MXRA7: variants seen among roughly 807,000 people sequenced by gnomAD.
MXRA7 encodes the protein matrix-remodeling-associated protein 7.
A neutral mutation model predicts 17.4 loss-of-function variants in MXRA7; 18 were observed. The observed-to-expected ratio is 1.03, with a 90% CI of 0.71 to 1.53. MXRA7 has a LOEUF of 1.53. Ranked by LOEUF, MXRA7 falls within the 40% of genes most tolerant of loss-of-function variation. MXRA7 has a pLI of 0.00. For synonymous variants in MXRA7, 70 were observed against 101.7 expected (o/e 0.69, Z 1.87); for missense variants, 141 against 209.3 (o/e 0.67, Z 2.01).
At chr17:76,693,208 G>T (rs1299803109) in intron 1 of MXRA7, among the ~76,000 whole-genome samples, 1 of 152,190 alleles carries the variant, frequency 6.6e-6, no homozygotes, top group East Asian at 1.9e-4. Context: ...GGTGGCTCAT[G>T]CCTGTAATCC....
At chr17:76,704,393 G>A (rs1212609908) in intron 1 of MXRA7, among the ~76,000 whole-genome samples, 1 of 150,354 alleles carries the variant, frequency 6.7e-6, no homozygotes, top group Non-Finnish European at 1.5e-5. Context: ...TTTTAGTAGA[G>A]ATGGGGTTTC....
At chr17:76,678,863 TCTAGAGCAG>T (rs563188373), downstream of MXRA7, among the ~76,000 whole-genome samples, 162 of 152,256 alleles carry the variant, frequency 1.1e-3, no homozygotes, top group Non-Finnish European at 2.1e-3. Context: ...AAATTTTCTG[TCTAGAGCAG>T]CATCTAGTAG....
At chr17:76,701,000 C>T (rs947248674) in intron 1 of MXRA7, among the ~76,000 whole-genome samples, 3 of 151,858 alleles carry the variant, frequency 2.0e-5, no homozygotes, top group Admixed American at 6.6e-5. Context: ...CTGTGGGGGG[C>T]TGGGAGCAGA....
intron 1 of MXRA7, among the ~76,000 whole-genome samples, chr17:76,704,306 C>A (rs1484091261): frequency 6.9e-5 from 10 of 145,798 alleles, no homozygotes; most frequent in Non-Finnish European, 1.4e-4. Flanking sequence ...CCCGGGTTCA[C>A]GCCATCCTCC....
At chr17:76,685,028 C>A (rs1437416433) in intron 3 of MXRA7, 44 bp downstream of exon 3, 2 of 1,330,094 alleles carry the variant, frequency 1.5e-6, no homozygotes, top group East Asian at 4.5e-5. Flanking sequence ...GCACCCCCCT[C>A]CCCCAAGAGC....
chr17:76,684,541 T>G (rs2076359825), intron 3 of MXRA7: 5 of 302,986 alleles, frequency 1.7e-5, no homozygotes. Flanking sequence ...GTGCAGGGGG[T>G]GTCCAAATGG....
chr17:76,680,702 C>T lies in MXRA7; in HGVS notation c.*165G>A. On this transcript the variant is annotated 3_prime_UTR_variant, in exon 4 of 4. Coordinates refer to ENST00000449428, the MANE Select transcript of MXRA7 (RefSeq NM_198530.4). ...AAAGGTGTTCCCAGGATCCTGCTAG[C>T]CAAGGGACAAGTCCTGATTGAGGGT... 6.9e-7 allele frequency: 1 copy of T among 1,444,772 alleles called. No homozygotes were observed. 89.5% of individuals were successfully genotyped at this position (1,444,772 alleles called of 1,614,324 possible).
intron 1 of MXRA7, chr17:76,688,594 C>T: frequency 8.0e-7 from 1 of 1,254,398 alleles, no homozygotes; most frequent in Non-Finnish European, 1.0e-6. Context: ...ATCGCAGCCT[C>T]TGGCTTTGCT....
chr17:76,702,741 A>G, intron 1 of MXRA7, among the ~76,000 whole-genome samples: 1 of 151,586 alleles, frequency 6.6e-6, no homozygotes, highest in East Asian at 1.9e-4. Context: ...AATCCCAACT[A>G]TTTGGGAGCC....
At position 76,704,296 on chromosome 17, in the gene MXRA7, C is replaced by G. The variant is rs181723795; in HGVS notation, c.342+6309G>C. Among the ~76,000 whole-genome samples, 828 of 145,742 alleles carry G rather than the reference C, an allele frequency of 5.7e-3. 5 individuals carry two copies. The highest frequency in any genetic ancestry group is 0.012 in the South Asian group (54 of 4,430). On this transcript the variant is annotated intron_variant, in intron 1 of 3. Coordinates refer to ENST00000449428, the MANE Select transcript of MXRA7 (RefSeq NM_198530.4). ...TCTCAGCTCACTGCAAGCTCCACCT[C>G]CCGGGTTCACGCCATCCTCCTGCCT...
At chr17:76,677,751 G>C (rs1238727092), downstream of MXRA7, 1 of 1,337,112 alleles carries the variant, frequency 7.5e-7, no homozygotes, top group Non-Finnish European at 1.1e-6. Context: ...TAGCCCACTG[G>C]GGAGAGAGGG....
chr17:76,695,890 C>T (rs926589188), intron 1 of MXRA7, among the ~76,000 whole-genome samples: 1 of 151,892 alleles, frequency 6.6e-6, no homozygotes, highest in Non-Finnish European at 1.5e-5. Flanking sequence ...GCCAGGAGTT[C>T]AAGACCAGCT....
chr17:76,700,124 G>A (rs555613962), intron 1 of MXRA7, among the ~76,000 whole-genome samples: 82 of 152,182 alleles, frequency 5.4e-4, no homozygotes, highest in African/African-American at 2.0e-3. Flanking sequence ...ACAGGCATGC[G>A]CCACCACACC....
Position 76,685,080 on chromosome 17 carries a change from C to T in MXRA7, c.492G>A (p.Glu164=), listed in dbSNP as rs149589281. Residue 164 remains glutamate (E), a synonymous_variant, in exon 3 of 4, where the codon GAG becomes GAA. Transcript: ENST00000449428. ...KKMMTKEELE[E]EQRTEE is the part of the protein sequence containing the mutation. The stretch of plus-strand genomic sequence containing the variant: ...AAGGGGCTGCAGCCTACCTCTGCTC[C>T]TCCTCCAGCTCCTCTTTGGTCATCA... The T allele has an allele frequency of 5.1e-4, 821 of 1,613,936 alleles. 5 individuals are homozygous for T. In the African/African-American group the frequency reaches 0.01, roughly 20 times the overall value.
chr17:76,679,499 A>G (rs1327127381), downstream of MXRA7: 51 of 646,962 alleles, frequency 7.9e-5, no homozygotes, highest in Non-Finnish European at 9.4e-5. Context: ...AATGAAAGAA[A>G]GGTCAAACTT....
intron 1 of MXRA7, among the ~76,000 whole-genome samples, chr17:76,708,544 A>G (rs1298432868): frequency 1.3e-5 from 2 of 152,176 alleles, no homozygotes; most frequent in African/African-American, 2.4e-5. Context: ...AGAAGAAAGC[A>G]CTGGAAGCTC....
chr17:76,686,444 T>C (rs550866701), intron 2 of MXRA7, among the ~76,000 whole-genome samples: 11 of 152,180 alleles, frequency 7.2e-5, no homozygotes, highest in East Asian at 3.9e-4. Flanking sequence ...CGCGCCACTG[T>C]ACTCCAGCCT....
downstream of MXRA7, among the ~76,000 whole-genome samples, chr17:76,677,944 G>A (rs2076254663): frequency 6.6e-6 from 1 of 152,212 alleles, no homozygotes; most frequent in Non-Finnish European, 1.5e-5. Flanking sequence ...TGCCGGGGAG[G>A]TTTGGGGACC....
intron 1 of MXRA7, among the ~76,000 whole-genome samples, chr17:76,707,291 CTTTTTTTTTTTTTTTTTT>C (rs56067261): frequency 2.1e-5 from 2 of 96,088 alleles, no homozygotes; most frequent in African/African-American, 4.8e-5. Context: ...AGTCCCTACT[CTTTTTTTTTTTTTTTTTT>C]TTTTTTTTTT....
Sources: gnomAD v4.1 joint callset for allele counts (sites outside exome capture counted in the v4.1 genomes callset) on GRCh38, gnomAD v4.1.1 for gene constraint, MANE v1.5 for transcripts, NCBI Gene and HGNC (gene_info 2026-07-23, HGNC 2026-07-21) for gene names.